The following PPM1K variants were observed in gnomAD, a reference collection of about 807,000 sequenced individuals.
PPM1K encodes the protein protein phosphatase Mn(2+)-dependent 1K.
In PPM1K, 19 loss-of-function variants were observed where a neutral mutation model predicts 32.6. The observed-to-expected ratio is 0.58, with a 90% CI of 0.41 to 0.86. PPM1K has a LOEUF of 0.86. Among genes scored for constraint, PPM1K ranks in the 40% least tolerant of loss-of-function variants. The probability of loss-of-function intolerance (pLI) is 0.00; values close to 1 mark genes in which losing one functional copy is unlikely to be tolerated. For synonymous variants in PPM1K, 159 were observed against 165.3 expected (o/e 0.96, Z 0.29); for missense variants, 362 against 461.2 (o/e 0.78, Z 1.97).
intron 3 of PPM1K, chr4:88,275,010 T>C: frequency 1.4e-6 from 1 of 719,194 alleles, no homozygotes; most frequent in Non-Finnish European, 1.7e-6. Flanking sequence ...GACCTTTTCT[T>C]TTAGTACACA....
intron 3 of PPM1K, among the ~76,000 whole-genome samples, chr4:88,270,796 C>T (rs369621486): frequency 6.6e-6 from 1 of 152,200 alleles, no homozygotes; most frequent in Non-Finnish European, 1.5e-5. Context: ...ACCAACCCAA[C>T]TTCACAGTTC....
Position 88,265,013 on chromosome 4 carries a change from C to T in PPM1K, c.975G>A (p.Ala325=), listed in dbSNP as rs368715588. 1.9e-5 allele frequency: 30 copies of T among 1,613,946 alleles called. No individual in the cohort carries two copies. Among genetic ancestry groups the T allele is most frequent in the South Asian group, 1.3e-4 (12 of 91,070 alleles). Residue 325 remains alanine (A), a synonymous_variant, in exon 6 of 7, where the codon GCG becomes GCA. Transcript: ENST00000608933. The part of the protein sequence containing the change: ...QCHDPNEAAH[A]VTEQAIQYGT... ...AGCTCTGGGTCACCTGTTCAGTCACCGCATGGGCTGCTTCGTTGGGATCAT... is the reference window on the plus strand; with the variant it reads ...AGCTCTGGGTCACCTGTTCAGTCACTGCATGGGCTGCTTCGTTGGGATCAT...
rs991745805 is a variant in PPM1K, at chr4:88,258,577, A to C, written c.*4018T>G. On this transcript the variant is annotated 3_prime_UTR_variant, in exon 7 of 7. Coordinates refer to ENST00000608933, the MANE Select transcript of PPM1K (RefSeq NM_152542.5). ...CAGGAGGCAGAGGTTGCAGTGAGCC[A>C]AGATCGCGCCACTGCACTCCAGCCT... 1 of 151,474 alleles carries C rather than the reference A, an allele frequency of 6.6e-6. No individual in the cohort carries two copies. The highest frequency in any genetic ancestry group is 6.6e-5 in the Admixed American group (1 of 15,206). 9.4% of individuals were successfully genotyped at this position (151,474 alleles called of 1,614,324 possible).
chr4:88,277,357 C>A, intron 2 of PPM1K, 114 bp from the exon 3 acceptor site: 1 of 698,946 alleles, frequency 1.4e-6, no homozygotes, highest in Non-Finnish European at 2.5e-6. Flanking sequence ...ATTTTCCTGT[C>A]AAATGCTGAA....
intron 3 of PPM1K, chr4:88,276,365 T>C: frequency 9.1e-6 from 9 of 985,416 alleles, no homozygotes; most frequent in Non-Finnish European, 9.6e-6. Flanking sequence ...CATGCACACA[T>C]TCATTTGGCT....
intron 3 of PPM1K, 30 bp downstream of exon 3, chr4:88,277,113 G>C: frequency 1.3e-6 from 2 of 1,547,878 alleles, no homozygotes; most frequent in Non-Finnish European, 1.8e-6. Context: ...GTACTCCCTA[G>C]GATCCAAGGA....
At chr4:88,280,928 G>A (rs966332626) in intron 1 of PPM1K, among the ~76,000 whole-genome samples, 2 of 152,108 alleles carry the variant, frequency 1.3e-5, no homozygotes, top group Non-Finnish European at 2.9e-5. Context: ...GCTTCTAATT[G>A]AGAGTTAGAT....
At chr4:88,276,069 T>C (rs750070854) in intron 3 of PPM1K, 103 of 985,360 alleles carry the variant, frequency 1.0e-4, no homozygotes, top group Non-Finnish European at 1.2e-4. Flanking sequence ...AGATGGTAAA[T>C]AGAGCCATCG....
At chr4:88,275,267 G>A in intron 3 of PPM1K, 4 of 758,912 alleles carry the variant, frequency 5.3e-6, no homozygotes, top group Non-Finnish European at 6.4e-6. Flanking sequence ...GCTGATCTCT[G>A]TATCATTCCA....
At chr4:88,262,903 C>T (rs1731176727) in intron 6 of PPM1K, among the ~76,000 whole-genome samples, 177 bp from the exon 7 acceptor site, 1 of 152,190 alleles carries the variant, frequency 6.6e-6, no homozygotes. Context: ...TGTATTAATG[C>T]CCACAAGGAT....
chr4:88,264,570 C>A (rs534964955), intron 6 of PPM1K, among the ~76,000 whole-genome samples: 1 of 152,122 alleles, frequency 6.6e-6, no homozygotes, highest in Non-Finnish European at 1.5e-5. Flanking sequence ...GTTTTATGAC[C>A]TTCAGTGATT....
intron 6 of PPM1K, among the ~76,000 whole-genome samples, chr4:88,263,934 AATAAAC>A (rs1398867061): frequency 6.6e-6 from 1 of 152,260 alleles, no homozygotes; most frequent in Middle Eastern, 3.2e-3. Flanking sequence ...GAATGGAAAA[AATAAAC>A]ATAAACTAAA....
At chr4:88,263,061 C>T (rs986027378) in intron 6 of PPM1K, among the ~76,000 whole-genome samples, 3 of 152,114 alleles carry the variant, frequency 2.0e-5, no homozygotes, top group South Asian at 2.1e-4. Context: ...AAGCATTCAG[C>T]GTAGGGAGTA....
In PPM1K at chr4:88,260,655, A is replaced by G. The variant is rs1388770040; in HGVS notation, c.*1940T>C. ...AGGGCAATTCCTGATTAATATAGGC[A>G]GAAAAACTCAAGATTTATCTTCTTC... On this transcript the variant is annotated 3_prime_UTR_variant, in exon 7 of 7. Transcript: ENST00000608933. 9.2e-5 allele frequency: 14 copies of G among 152,188 alleles called. No individual in the cohort carries two copies. Among genetic ancestry groups the G allele is most frequent in the Admixed American group, 9.2e-4 (14 of 15,276 alleles). The allele number at this position is 152,188 out of a possible 1,614,324, so 9.4% of individuals were successfully genotyped here. A position where few individuals can be genotyped will look rare whatever the true frequency, so the allele number is the denominator to read the frequency against.
At chr4:88,283,305 T>G (rs569177079) in intron 1 of PPM1K, among the ~76,000 whole-genome samples, 19 of 152,260 alleles carry the variant, frequency 1.2e-4, no homozygotes, top group African/African-American at 4.6e-4. Context: ...AGAGCCGAGG[T>G]TTCGATGTGT....
chr4:88,275,672 C>T, intron 3 of PPM1K: 1 of 985,120 alleles, frequency 1.0e-6, no homozygotes, highest in East Asian at 1.1e-4. Flanking sequence ...ACCACCGACA[C>T]TACAGTCAAC....
intron 6 of PPM1K, among the ~76,000 whole-genome samples, chr4:88,264,546 T>G (rs1731235336): frequency 6.6e-6 from 1 of 152,238 alleles, no homozygotes; most frequent in African/African-American, 2.4e-5. Context: ...GAAGTCCAGT[T>G]CTGCAATTTA....
intron 5 of PPM1K, among the ~76,000 whole-genome samples, chr4:88,267,409 T>A (rs185422356): frequency 9.2e-5 from 14 of 151,956 alleles, no homozygotes; most frequent in African/African-American, 2.7e-4. Context: ...TGATGCTGCA[T>A]GATTGAGTGC....
At position 88,279,561 on chromosome 4, in the gene PPM1K, C is replaced by A. The variant is rs143608200; in HGVS notation, c.-59-919G>T. On this transcript the variant is annotated intron_variant, in intron 1 of 6. Transcript: ENST00000608933. ...CCTTTCCCCAACCCTAACAACCCAA[C>A]GACACTTGAGACTACACTTCTTTGA... The A allele has an allele frequency of 2.0e-5, 3 of 152,080 alleles. No individual in the cohort carries two copies. The East Asian group carries it at 5.8e-4, about 29-fold the overall frequency. The allele number at this position is 152,080 out of a possible 1,614,324, so 9.4% of individuals were successfully genotyped here.
Sources: allele counts gnomAD v4.1 joint callset (sites outside exome capture counted in the v4.1 genomes callset), GRCh38; gene constraint gnomAD v4.1.1; transcripts MANE v1.5; gene names NCBI Gene and HGNC (gene_info 2026-07-23, HGNC 2026-07-21).